Variants in CENPP observed in about 807,000 individuals in gnomAD.
CENPP encodes centromere protein P.
Under a neutral mutation model 35.6 loss-of-function variants are expected in CENPP, and 24 were observed. The observed-to-expected ratio is 0.67, with a 90% CI of 0.49 to 0.95. The LOEUF (loss-of-function observed/expected upper bound fraction) is 0.95. Among genes scored for constraint, CENPP ranks in the 40% least tolerant of loss-of-function variants. The probability of loss-of-function intolerance (pLI) is 0.00; values close to 1 mark genes in which losing one functional copy is unlikely to be tolerated. For missense variants in CENPP, 332 were observed against 345.3 expected (o/e 0.96, Z 0.31); for synonymous variants, 120 against 125.5 (o/e 0.96, Z 0.29).
chr9:92,490,450 A>G (rs1198470340), intron 5 of CENPP, among the ~76,000 whole-genome samples: 1 of 152,252 alleles, frequency 6.6e-6, no homozygotes, highest in Admixed American at 6.5e-5. Flanking sequence ...ATCTGAATTT[A>G]CGTTCAACCA....
intron 5 of CENPP, chr9:92,390,003 C>G (rs774564800): frequency 6.2e-7 from 1 of 1,609,336 alleles, no homozygotes; most frequent in Admixed American, 1.7e-5. Flanking sequence ...GAAAAAGTAC[C>G]ATCTTCTATA....
At chr9:92,346,253 C>T (rs1301546274) in intron 4 of CENPP, among the ~76,000 whole-genome samples, 2 of 152,044 alleles carry the variant, frequency 1.3e-5, no homozygotes, top group Non-Finnish European at 2.9e-5. Context: ...TCTCAAACTC[C>T]TAGGCTCAAG....
intron 4 of CENPP, among the ~76,000 whole-genome samples, chr9:92,377,330 C>G (rs998237222): frequency 3.9e-5 from 6 of 152,200 alleles, no homozygotes; most frequent in Non-Finnish European, 7.3e-5. Context: ...GAAATGCAGT[C>G]AGACCCCTTG....
intron 5 of CENPP, chr9:92,457,194 A>T: frequency 6.8e-7 from 1 of 1,478,854 alleles, no homozygotes; most frequent in Non-Finnish European, 9.0e-7. Flanking sequence ...ATTTGCTTGT[A>T]TATATAATAC....
At chr9:92,533,303 C>CAA (rs1174584000) in intron 5 of CENPP, among the ~76,000 whole-genome samples, 475 of 29,884 alleles carry the variant, frequency 0.016, 33 homozygotes, top group Non-Finnish European at 0.022. Context: ...CGGTCTCAAA[C>CAA]AAAAAAAAAA....
chr9:92,613,497 C>T lies in CENPP; in HGVS notation c.*348C>T. ...CACCTTGGACATGGTGGCCACATTA[C>T]TCAGCTGGGAGAAGCCACCCTTATC... On this transcript the variant is annotated 3_prime_UTR_variant, in exon 8 of 8. Transcript: ENST00000375587. 2 of 268,944 alleles carry T rather than the reference C, an allele frequency of 7.4e-6. No homozygotes were observed. The highest frequency in any genetic ancestry group is 8.3e-5 in the South Asian group (2 of 24,154). The allele number at this position is 268,944 out of a possible 1,614,324, so 16.7% of individuals were successfully genotyped here.
intron 5 of CENPP, among the ~76,000 whole-genome samples, chr9:92,540,547 T>A (rs1244635905): frequency 6.8e-6 from 1 of 146,204 alleles, no homozygotes; most frequent in Non-Finnish European, 1.5e-5. Context: ...CCAAGGTGGG[T>A]GGATCACAAG....
intron 5 of CENPP, among the ~76,000 whole-genome samples, chr9:92,514,435 C>T (rs554544747): frequency 6.6e-5 from 10 of 152,068 alleles, no homozygotes; most frequent in East Asian, 1.9e-4. Context: ...CCACCACGCC[C>T]GGCTAATTTT....
In CENPP at chr9:92,412,899, T is replaced by C. The variant is rs553579801; in HGVS notation, c.564+33040T>C. Among the ~76,000 whole-genome samples the C allele has an allele frequency of 8.5e-5, 13 of 152,172 alleles. 1 individual carries two copies. Among genetic ancestry groups the C allele is most frequent in the Admixed American group, 8.5e-4 (13 of 15,262 alleles). On this transcript the variant is annotated intron_variant, in intron 5 of 7. Transcript: ENST00000375587. ...CTGCTGTGGACATTTATATGCAAAT[T>C]TTGGTGTGAACATGTGTGTTCAGTT...
In CENPP at chr9:92,620,027, C is replaced by G. The variant is rs890492543; in HGVS notation, c.*6878C>G. The stretch of plus-strand genomic sequence containing the variant: ...ACGACATTCCCTCCGGAACATCATA[C>G]AGCCACCAGAGACAACGGCAGACGG... On this transcript the variant is annotated 3_prime_UTR_variant, in exon 8 of 8. Coordinates refer to ENST00000375587, the MANE Select transcript of CENPP (RefSeq NM_001012267.3). The G allele has an allele frequency of 8.0e-5, 14 of 175,344 alleles. No homozygotes were observed. Among genetic ancestry groups the G allele is most frequent in the African/African-American group, 2.3e-4 (10 of 43,186 alleles). 10.9% of individuals were successfully genotyped at this position (175,344 alleles called of 1,614,324 possible). A position where few individuals can be genotyped will look rare whatever the true frequency, so the allele number is the denominator to read the frequency against.
At chr9:92,394,453 A>C in intron 5 of CENPP, among the ~76,000 whole-genome samples, 1 of 148,242 alleles carries the variant, frequency 6.7e-6, no homozygotes, top group Non-Finnish European at 1.5e-5. Flanking sequence ...AGGTTTCACC[A>C]TGTTGGCCAG....
In CENPP at chr9:92,567,395, T is replaced by TATAC. The variant is rs201711365; in HGVS notation, c.565-43918_565-43917insTACA. Among the ~76,000 whole-genome samples, 200 of 106,770 alleles carry TATAC rather than the reference T, an allele frequency of 1.9e-3. 1 individual carries two copies. Among genetic ancestry groups the TATAC allele is most frequent in the East Asian group, 3.2e-3 (15 of 4,660 alleles). 70.0% of individuals were successfully genotyped at this position (106,770 alleles called of 152,430 possible). A position where few individuals can be genotyped will look rare whatever the true frequency, so the allele number is the denominator to read the frequency against. ...ATAGATATATATATATATATATATA[T>TATAC]AGATATATATATAAAGTGGTTAGTG... On this transcript the variant is annotated intron_variant, in intron 5 of 7. Coordinates refer to ENST00000375587, the MANE Select transcript of CENPP (RefSeq NM_001012267.3).
chr9:92,332,089 G>A, intron 1 of CENPP, 81 bp from the exon 2 acceptor site: 1 of 820,690 alleles, frequency 1.2e-6, no homozygotes, highest in Non-Finnish European at 1.8e-6. Context: ...GACAAAATGG[G>A]AATGCTTTGA....
chr9:92,417,745 T>C (rs975867441), intron 5 of CENPP, among the ~76,000 whole-genome samples: 3 of 152,098 alleles, frequency 2.0e-5, no homozygotes, highest in Admixed American at 6.5e-5. Flanking sequence ...TTTGTGACAG[T>C]GTCTCCTCTG....
At position 92,578,683 on chromosome 9, in the gene CENPP, G is replaced by T. The variant is rs539893384; in HGVS notation, c.565-32631G>T. ...TCTTGTAAATTTGTTGGAGTTCATTGTAGATTCTGGATATTAGCCCTTTGT... is the reference window on the plus strand; with the variant it reads ...TCTTGTAAATTTGTTGGAGTTCATTTTAGATTCTGGATATTAGCCCTTTGT... On this transcript the variant is annotated intron_variant, in intron 5 of 7. Coordinates refer to ENST00000375587, the MANE Select transcript of CENPP (RefSeq NM_001012267.3). Among the ~76,000 whole-genome samples the T allele has an allele frequency of 2.2e-4, 33 of 152,144 alleles. No individual in the cohort carries two copies. In the South Asian group the frequency reaches 6.6e-3, roughly 31 times the overall value.
At chr9:92,553,206 A>T (rs187197049) in intron 5 of CENPP, among the ~76,000 whole-genome samples, 16 of 152,138 alleles carry the variant, frequency 1.1e-4, no homozygotes, top group Non-Finnish European at 2.1e-4. Context: ...GCTTTGTCGA[A>T]GATCAGTTGG....
chr9:92,333,465 C>A (rs1337179901), intron 2 of CENPP, among the ~76,000 whole-genome samples: 3 of 152,178 alleles, frequency 2.0e-5, no homozygotes, highest in Non-Finnish European at 4.4e-5. Context: ...AGAGTCTTGA[C>A]AAAGCTAATG....
At chr9:92,607,466 T>A (rs1332727716) in intron 5 of CENPP, among the ~76,000 whole-genome samples, 1 of 152,130 alleles carries the variant, frequency 6.6e-6, no homozygotes, top group Non-Finnish European at 1.5e-5. Context: ...TAGGGGGTGA[T>A]GAAATGTTGT....
intron 5 of CENPP, among the ~76,000 whole-genome samples, chr9:92,429,313 G>T (rs1275245741): frequency 6.6e-6 from 1 of 152,140 alleles, no homozygotes; most frequent in African/African-American, 2.4e-5. Flanking sequence ...GAACTCATCA[G>T]CAGGCCTCAT....
Sources: allele counts gnomAD v4.1 joint callset (sites outside exome capture counted in the v4.1 genomes callset), GRCh38; gene constraint gnomAD v4.1.1; transcripts MANE v1.5; gene names NCBI Gene and HGNC (gene_info 2026-07-23, HGNC 2026-07-21).